The following CDC42BPG variants were observed in gnomAD, a reference collection of about 807,000 sequenced individuals.
The protein encoded by CDC42BPG is serine/threonine-protein kinase MRCK gamma.
Under a neutral mutation model 192.2 loss-of-function variants are expected in CDC42BPG, and 157 were observed. The ratio of observed to expected loss-of-function variants is 0.82; its 90% CI spans 0.72 to 0.93. The LOEUF (loss-of-function observed/expected upper bound fraction) is 0.93. CDC42BPG is among the 40% of genes least tolerant of loss of function. The pLI is 0.00. For synonymous variants in CDC42BPG, 981 were observed against 918.5 expected (o/e 1.07, Z -1.23); for missense variants, 1,992 against 2,122.1 (o/e 0.94, Z 1.20).
chr11:64,829,121 G>A (rs1188778400), intron 30 of CDC42BPG, among the ~76,000 whole-genome samples: 1 of 152,164 alleles, frequency 6.6e-6, no homozygotes, highest in African/African-American at 2.4e-5. Flanking sequence ...TCGAGAGGGT[G>A]AGGTGGGAGG....
At position 64,838,761 on chromosome 11, in the gene CDC42BPG, C is replaced by T. The variant is rs78215649; in HGVS notation, c.1018G>A (p.Val340Met). The stretch of plus-strand genomic sequence containing the variant: ...CTGCTCGCCAGCCGCTCCCAGTCCA[C>T]GCCTTCGAAGAAAGGATGGTTCCGG... ...DFRNHPFFEG[V>M]DWERLASSTA... The change falls in exon 8 of 37, where the codon GTG (valine) becomes ATG (methionine). Residue 340 changes from valine to methionine, a missense_variant. Transcript: ENST00000342711. 6.4e-4 allele frequency: 1,027 copies of T among 1,613,032 alleles called. 5 individuals carry two copies. In the African/African-American group the frequency reaches 9.7e-3, roughly 15 times the overall value.
rs1013838345 is a variant in CDC42BPG, at chr11:64,833,917, G to T, written c.2466+8C>A. ...TCTCCCCAACAAGCCCCTTGGCCTGGTCCTTACCTCTGAGCTCCGGAAGGA... is the reference window on the plus strand; with the variant it reads ...TCTCCCCAACAAGCCCCTTGGCCTGTTCCTTACCTCTGAGCTCCGGAAGGA... On this transcript the variant is annotated splice_region_variant and intron_variant, in intron 21 of 36. Transcript: ENST00000342711. The T allele has an allele frequency of 3.7e-6, 6 of 1,614,090 alleles. No homozygotes were observed. The African/African-American group carries it at 6.7e-5, about 18-fold the overall frequency.
chr11:64,835,868 G>T lies in CDC42BPG; in HGVS notation c.1669-17C>A. 1 of 1,601,934 alleles carries T rather than the reference G, an allele frequency of 6.2e-7. No homozygotes were observed. The highest frequency in any genetic ancestry group is 1.1e-5 in the South Asian group (1 of 89,922). ...GGCCTCCAGCTGTGAGGGGTGCAGA[G>T]GCAGGCCACTGCCAACTCTGCCCTC... On this transcript the variant is annotated splice_polypyrimidine_tract_variant and intron_variant, in intron 13 of 36. Transcript: ENST00000342711.
At chr11:64,835,313 C>T (rs1399137740) in intron 16 of CDC42BPG, 34 bp downstream of exon 16, 1 of 1,612,648 alleles carries the variant, frequency 6.2e-7, no homozygotes, top group South Asian at 1.1e-5. Context: ...CCTTGTCCGT[C>T]TGTTGTACCC....
At chr11:64,828,883 C>G (rs1354614441) in intron 30 of CDC42BPG, among the ~76,000 whole-genome samples, 3 of 152,148 alleles carry the variant, frequency 2.0e-5, no homozygotes, top group East Asian at 3.8e-4. Context: ...AACCCCGTCT[C>G]CACTAAAAAT....
intron 17 of CDC42BPG, 30 bp downstream of exon 17, chr11:64,835,017 T>TA: frequency 5.1e-6 from 8 of 1,571,942 alleles, no homozygotes; most frequent in East Asian, 2.3e-5. Flanking sequence ...TCGCCTGCGT[T>TA]CCCCACCCCG....
rs766666614 is a variant in CDC42BPG, at chr11:64,838,611, G to T, written c.1125+43C>A. 56 of 1,602,900 alleles carry T rather than the reference G, an allele frequency of 3.5e-5. No individual in the cohort carries two copies. In the South Asian group the frequency reaches 5.8e-4, roughly 17 times the overall value. ...AGGGAGGGTTCCCCCAGCCAACAAG[G>T]GGGTAGGGCAGCTCCCCTCCTGCAG... On this transcript the variant is annotated intron_variant, in intron 8 of 36. Transcript: ENST00000342711.
At chr11:64,829,318 C>T (rs970643822) in intron 30 of CDC42BPG, among the ~76,000 whole-genome samples, 153 bp downstream of exon 30, 8 of 152,212 alleles carry the variant, frequency 5.3e-5, no homozygotes, top group African/African-American at 1.7e-4. Flanking sequence ...CCCCTGCAAG[C>T]CACAGAGGGT....
At chr11:64,843,966 C>T (rs1943392072) in intron 1 of CDC42BPG, among the ~76,000 whole-genome samples, 1 of 152,108 alleles carries the variant, frequency 6.6e-6, no homozygotes. Flanking sequence ...CTGCAGCGCT[C>T]CCTGGGTCTC....
chr11:64,841,591 T>G, intron 3 of CDC42BPG, 59 bp downstream of exon 3: 4 of 1,168,266 alleles, frequency 3.4e-6, no homozygotes, highest in Non-Finnish European at 2.5e-6. Context: ...CCTGGCAGCA[T>G]ACACCTCCCC....
chr11:64,828,718 C>A (rs1443796555), intron 30 of CDC42BPG, among the ~76,000 whole-genome samples: 1 of 151,738 alleles, frequency 6.6e-6, no homozygotes, highest in African/African-American at 2.4e-5. Flanking sequence ...GTTTGAGACT[C>A]CCAGCCTGCG....
chr11:64,824,408 C>T lies in CDC42BPG; in HGVS notation c.*65G>A. The T allele has an allele frequency of 8.9e-7, 1 of 1,119,924 alleles. No homozygotes were observed. The highest frequency in any genetic ancestry group is 1.4e-6 in the Non-Finnish European group (1 of 727,138). The allele number at this position is 1,119,924 out of a possible 1,614,324, so 69.4% of individuals were successfully genotyped here. A position where few individuals can be genotyped will look rare whatever the true frequency, so the allele number is the denominator to read the frequency against. On this transcript the variant is annotated 3_prime_UTR_variant, in exon 37 of 37. Coordinates refer to ENST00000342711, the MANE Select transcript of CDC42BPG (RefSeq NM_017525.3). ...CCCGGACCAGCCGGAGTATGGCATT[C>T]CTCAAGCTCTTTGCTCCCTCATGTC...
chr11:64,833,509 C>A (rs957072013), intron 23 of CDC42BPG, 91 bp downstream of exon 23: 2 of 1,273,020 alleles, frequency 1.6e-6, no homozygotes, highest in Non-Finnish European at 2.2e-6. Context: ...TGCCTGCTAG[C>A]CACGATGCAC....
chr11:64,842,704 CA>C (rs1592728657), intron 1 of CDC42BPG, among the ~76,000 whole-genome samples: 1 of 152,182 alleles, frequency 6.6e-6, no homozygotes, highest in East Asian at 1.9e-4. Context: ...CAGATACCTC[CA>C]GGAAGGGCAA....
chr11:64,839,264 C>A (rs774160812), intron 6 of CDC42BPG, 31 bp from the exon 7 acceptor site: 1 of 1,611,482 alleles, frequency 6.2e-7, no homozygotes, highest in South Asian at 1.1e-5. Flanking sequence ...GCCATGAGGA[C>A]AGCTTTGGGC....
intron 27 of CDC42BPG, 92 bp from the exon 28 acceptor site, chr11:64,831,813 C>T: frequency 8.5e-7 from 1 of 1,177,076 alleles, no homozygotes; most frequent in African/African-American, 1.5e-5. Context: ...GCCCCGGGGG[C>T]CTAGCGTGCA....
intron 14 of CDC42BPG, 51 bp downstream of exon 14, chr11:64,835,711 G>A: frequency 6.2e-7 from 1 of 1,609,064 alleles, no homozygotes; most frequent in Non-Finnish European, 8.5e-7. Flanking sequence ...GCTCTGAGTG[G>A]GGTCAGGCTG....
Position 64,835,796 on chromosome 11 carries a change from C to T in CDC42BPG, c.1724G>A (p.Trp575Ter). The change falls in exon 14 of 37, where the codon TGG becomes TAG. Residue 575 changes from tryptophan (W) to a stop codon, truncating the protein, a stop_gained. Transcript: ENST00000342711. LOFTEE classifies it high-confidence loss of function. ...GGACGACTCCTCAAGGCGTTGCTCC[C>T]ACTGTCCCTGCAGCTGCGTCACCTG... ...SRQVTQLQGQWEQRLEESSQA... is the reference protein window; with the variant it reads ...SRQVTQLQGQ 6.2e-7 allele frequency: 1 copy of T among 1,613,376 alleles called. No homozygotes were observed. The highest frequency in any genetic ancestry group is 1.1e-5 in the South Asian group (1 of 91,066).
chr11:64,835,800 G>C lies in CDC42BPG; in HGVS notation c.1720C>G (p.Gln574Glu). ...GACTCCTCAAGGCGTTGCTCCCACT[G>C]TCCCTGCAGCTGCGTCACCTGCCGG... Reference protein sequence around the residue: ...LSRQVTQLQGQWEQRLEESSQ... With the variant: ...LSRQVTQLQGEWEQRLEESSQ... The change falls in exon 14 of 37, where the codon CAG becomes GAG. Residue 574 changes from glutamine to glutamate, a missense_variant. Gln to Glu is a conservative substitution (Grantham distance 29, BLOSUM62 2). Transcript: ENST00000342711. 6.2e-7 allele frequency: 1 copy of C among 1,613,310 alleles called. No individual in the cohort carries two copies. The highest frequency in any genetic ancestry group is 8.5e-7 in the Non-Finnish European group (1 of 1,179,932).
Sources: allele counts gnomAD v4.1 joint callset (sites outside exome capture counted in the v4.1 genomes callset), GRCh38; gene constraint gnomAD v4.1.1; transcripts MANE v1.5; gene names NCBI Gene and HGNC (gene_info 2026-07-23, HGNC 2026-07-21).